KIF26B: variants seen among roughly 807,000 people sequenced by gnomAD.
KIF26B encodes kinesin-like protein KIF26B.
Under a neutral mutation model 151.2 loss-of-function variants are expected in KIF26B, and 63 were observed. The observed-to-expected ratio is 0.42, with a 90% confidence interval of 0.34 to 0.51. KIF26B has a LOEUF of 0.51. KIF26B is among the 20% of genes least tolerant of loss of function. The probability of loss-of-function intolerance (pLI) is 0.07; values close to 1 mark genes in which losing one functional copy is unlikely to be tolerated. For missense variants in KIF26B, 2,813 were observed against 2,913.6 expected (o/e 0.97, Z 0.79); for synonymous variants, 1,357 against 1,262.1 (o/e 1.08, Z -1.59).
chr1:245,408,767 A>G (rs1473145434), intron 3 of KIF26B, among the ~76,000 whole-genome samples: 1 of 152,154 alleles, frequency 6.6e-6, no homozygotes, highest in Non-Finnish European at 1.5e-5. Context: ...GAGCTGCCCA[A>G]TATGAACTCA....
intron 4 of KIF26B, among the ~76,000 whole-genome samples, chr1:245,482,254 G>T (rs1660182451): frequency 7.0e-6 from 1 of 142,400 alleles, no homozygotes; most frequent in African/African-American, 2.8e-5. Context: ...ACCATGCCTG[G>T]CTAATTTTTG....
intron 2 of KIF26B, among the ~76,000 whole-genome samples, chr1:245,269,400 G>A (rs1670808870): frequency 6.6e-6 from 1 of 151,642 alleles, no homozygotes; most frequent in Non-Finnish European, 1.5e-5. Flanking sequence ...TTCTGGGACT[G>A]GCTTATTTCA....
chr1:245,398,326 G>A (rs956763055), intron 3 of KIF26B, among the ~76,000 whole-genome samples: 1 of 152,086 alleles, frequency 6.6e-6, no homozygotes, highest in Non-Finnish European at 1.5e-5. Context: ...AAGTAATCCC[G>A]GCTGCCTGCG....
intron 3 of KIF26B, among the ~76,000 whole-genome samples, chr1:245,390,943 A>AAAAAC (rs1553270126): frequency 1.7e-5 from 2 of 118,458 alleles, no homozygotes; most frequent in African/African-American, 8.2e-5. Context: ...AAAAAAAAAA[A>AAAAAC]AAAAAAAAAC....
chr1:245,233,976 GT>G (rs1670051421), intron 2 of KIF26B, among the ~76,000 whole-genome samples: 2 of 152,158 alleles, frequency 1.3e-5, no homozygotes, highest in African/African-American at 2.4e-5. Flanking sequence ...GAGGTCAGGA[GT>G]TTGAGACTCC....
intron 2 of KIF26B, among the ~76,000 whole-genome samples, chr1:245,217,849 T>C (rs1669679703): frequency 6.6e-6 from 1 of 152,128 alleles, no homozygotes; most frequent in Non-Finnish European, 1.5e-5. Context: ...CTGCCAGCAG[T>C]TGCACACCCA....
chr1:245,475,222 T>C (rs1483844463), intron 4 of KIF26B, among the ~76,000 whole-genome samples: 9 of 151,836 alleles, frequency 5.9e-5, no homozygotes, highest in Non-Finnish European at 1.3e-4. Context: ...ATCTCTGCCT[T>C]TTAGACTGAG....
chr1:245,688,439 G>T lies in KIF26B; in HGVS notation c.5456G>T (p.Arg1819Leu), dbSNP rs769202232. Reference protein sequence around the residue: ...SELLQGGAGARGLQLRAGPEA... With the variant: ...SELLQGGAGALGLQLRAGPEA... ...CTGCTGCAGGGTGGCGCGGGCGCCC[G>T]GGGCTTGCAGCTGCGGGCCGGGCCC... Residue 1819 changes from arginine (R) to leucine (L), a missense_variant, in exon 12 of 15, where the codon CGG becomes CTG. Physicochemically the swap from Arg to Leu is moderately radical, Grantham distance 102. Transcript: ENST00000407071. The T allele has an allele frequency of 7.2e-7, 1 of 1,380,302 alleles. No individual in the cohort carries two copies. Among genetic ancestry groups the T allele is most frequent in the South Asian group, 1.8e-5 (1 of 56,902 alleles). The allele number at this position is 1,380,302 out of a possible 1,614,324, so 85.5% of individuals were successfully genotyped here.
chr1:245,622,278 G>A (rs2043672233), intron 9 of KIF26B, among the ~76,000 whole-genome samples: 1 of 152,164 alleles, frequency 6.6e-6, no homozygotes, highest in South Asian at 2.1e-4. Flanking sequence ...AATGTAAAAA[G>A]TTCTTTGCCA....
intron 12 of KIF26B, among the ~76,000 whole-genome samples, chr1:245,695,581 A>C (rs866169646): frequency 1.5e-3 from 235 of 152,264 alleles, no homozygotes; most frequent in African/African-American, 5.4e-3. Context: ...CCCAAACCAC[A>C]CCTAACCTGA....
At chr1:245,242,084 C>T (rs979453801) in intron 2 of KIF26B, among the ~76,000 whole-genome samples, 1 of 152,156 alleles carries the variant, frequency 6.6e-6, no homozygotes, top group African/African-American at 2.4e-5. Flanking sequence ...TCTCAAAGCT[C>T]ACGTTATTTT....
chr1:245,346,111 G>T (rs940842725), intron 2 of KIF26B, among the ~76,000 whole-genome samples: 17 of 148,554 alleles, frequency 1.1e-4, no homozygotes, highest in African/African-American at 3.9e-4. Flanking sequence ...TTTTTTTTGT[G>T]TGTGTGTATT....
At chr1:245,197,591 A>C (rs1669218063) in intron 2 of KIF26B, among the ~76,000 whole-genome samples, 2 of 152,204 alleles carry the variant, frequency 1.3e-5, no homozygotes, top group African/African-American at 2.4e-5. Context: ...AAGCAGGGTC[A>C]AGCAATGGAG....
intron 2 of KIF26B, among the ~76,000 whole-genome samples, chr1:245,210,200 C>T (rs1406248124): frequency 6.6e-6 from 1 of 152,218 alleles, no homozygotes; most frequent in Non-Finnish European, 1.5e-5. Flanking sequence ...GGCCCCGCAG[C>T]TGCAGCTTCT....
chr1:245,172,471 C>T (rs1177503309), intron 2 of KIF26B, among the ~76,000 whole-genome samples: 2 of 152,098 alleles, frequency 1.3e-5, no homozygotes, highest in African/African-American at 4.8e-5. Context: ...TGAGGGGCTG[C>T]AGGAACCCAA....
chr1:245,432,336 G>A (rs370195181), intron 4 of KIF26B, among the ~76,000 whole-genome samples: 2 of 152,072 alleles, frequency 1.3e-5, no homozygotes, highest in East Asian at 1.9e-4. Flanking sequence ...TTGTAACAAA[G>A]CATGAAAAAA....
intron 2 of KIF26B, among the ~76,000 whole-genome samples, chr1:245,317,930 G>T (rs1301678479): frequency 6.6e-6 from 1 of 152,182 alleles, no homozygotes. Flanking sequence ...GTCTTCAATG[G>T]CCTTGAAAAA....
At chr1:245,610,580 G>A (rs2043509002) in intron 8 of KIF26B, among the ~76,000 whole-genome samples, 2 of 152,192 alleles carry the variant, frequency 1.3e-5, no homozygotes, top group East Asian at 1.9e-4. Flanking sequence ...GATGCAATCA[G>A]TAGGACTCGA....
intron 2 of KIF26B, among the ~76,000 whole-genome samples, chr1:245,335,647 A>AGGGGAAAGGGGGGTCCCACGC (rs1672205901): frequency 7.1e-6 from 1 of 140,396 alleles, no homozygotes; most frequent in African/African-American, 2.7e-5. Context: ...GAGTCCCACG[A>AGGGGAAAGGGGGGTCCCACGC]GGGGAAAGGG....
Sources: gnomAD v4.1 joint callset for allele counts (sites outside exome capture counted in the v4.1 genomes callset) on GRCh38, gnomAD v4.1.1 for gene constraint, MANE v1.5 for transcripts, NCBI Gene and HGNC (gene_info 2026-07-23, HGNC 2026-07-21) for gene names.